ARNT: variants seen among roughly 807,000 people sequenced by gnomAD.
ARNT encodes class E basic helix-loop-helix protein 2.
Under a neutral mutation model 105.0 loss-of-function variants are expected in ARNT, and 30 were observed. The ratio of observed to expected loss-of-function variants is 0.29; its 90% CI spans 0.21 to 0.39. ARNT has a LOEUF of 0.39. Among genes scored for constraint, ARNT ranks in the 10% least tolerant of loss-of-function variants. ARNT has a pLI of 1.00. For synonymous variants in ARNT, 304 were observed against 344.0 expected (o/e 0.88, Z 1.29); for missense variants, 748 against 978.7 (o/e 0.76, Z 3.15).
chr1:150,832,029 C>G (rs1659442843), intron 9 of ARNT, 126 bp from the exon 10 acceptor site: 6 of 759,688 alleles, frequency 7.9e-6, no homozygotes, highest in Non-Finnish European at 1.3e-5. Flanking sequence ...AATCATCTTT[C>G]CCACCCAAAA....
rs761706968 is a variant in ARNT, at chr1:150,816,778, C to T, written c.1802+10G>A. 5.1e-6 allele frequency: 8 copies of T among 1,573,178 alleles called. No homozygotes were observed. The East Asian group carries it at 9.0e-5, about 18-fold the overall frequency. On this transcript the variant is annotated intron_variant, in intron 18 of 21. Transcript: ENST00000358595. ...GGCCCTGTAAAGCAGCACATATATA[C>T]GGGGCTCACCTGAAATTCTCTGCCG...
chr1:150,812,580 T>A (rs1422015500), intron 21 of ARNT: 1 of 153,036 alleles, frequency 6.5e-6, no homozygotes, highest in Non-Finnish European at 1.5e-5. Flanking sequence ...TTTCATTTAC[T>A]TTTTATAATT....
In ARNT at chr1:150,858,463, G is replaced by A. The variant is rs1180705188; in HGVS notation, c.26-3C>T. 1.9e-6 allele frequency: 3 copies of A among 1,590,242 alleles called. No homozygotes were observed. Among genetic ancestry groups the A allele is most frequent in the Non-Finnish European group, 2.6e-6 (3 of 1,162,782 alleles). On this transcript the variant is annotated splice_polypyrimidine_tract_variant and splice_region_variant and intron_variant, in intron 1 of 21. Transcript: ENST00000358595. ...TGATGGTACATCTGATGTCATTTCTGTCAGGAAAATAATGAAGTAAACATT... is the reference window on the plus strand; with the variant it reads ...TGATGGTACATCTGATGTCATTTCTATCAGGAAAATAATGAAGTAAACATT...
intron 13 of ARNT, among the ~76,000 whole-genome samples, chr1:150,823,794 C>T (rs1657617540): frequency 6.6e-6 from 1 of 150,798 alleles, no homozygotes; most frequent in Non-Finnish European, 1.5e-5. Flanking sequence ...TTGTGATCCG[C>T]CCGCCTCGGC....
rs1453584649 is a variant in ARNT at position 150,810,787 on chromosome 1, A to G, written c.*1234T>C. On this transcript the variant is annotated 3_prime_UTR_variant, in exon 22 of 22. Transcript: ENST00000358595. ...CAGGCCCCATCTATCATACGGAATT[A>G]TGATACTTGCACTCTAAAGCAAAAC... 4.5e-6 allele frequency: 1 copy of G among 223,088 alleles called. No homozygotes were observed. The highest frequency in any genetic ancestry group is 6.5e-5 in the East Asian group (1 of 15,450). 13.8% of individuals were successfully genotyped at this position (223,088 alleles called of 1,614,324 possible). A position where few individuals can be genotyped will look rare whatever the true frequency, so the allele number is the denominator to read the frequency against.
intron 1 of ARNT, among the ~76,000 whole-genome samples, chr1:150,870,424 T>C (rs748192872): frequency 6.6e-6 from 1 of 152,204 alleles, no homozygotes; most frequent in Non-Finnish European, 1.5e-5. Flanking sequence ...AGGCACCCAC[T>C]GTAAGCACTG....
In ARNT at chr1:150,872,806, T is replaced by C. The variant is rs140757868; in HGVS notation, c.25+3737A>G. On this transcript the variant is annotated intron_variant, in intron 1 of 21. Coordinates refer to ENST00000358595, the MANE Select transcript of ARNT (RefSeq NM_001668.4). ...AGCAAGACCCTGTCTCTAAAAAAAA[T>C]TTAAAATTAGCCAGCCACGGTGGTG... Among the ~76,000 whole-genome samples the C allele has an allele frequency of 3.3e-3, 498 of 151,824 alleles. 2 individuals are homozygous for C. The highest frequency in any genetic ancestry group is 0.012 in the African/African-American group (477 of 41,392).
intron 4 of ARNT, among the ~76,000 whole-genome samples, chr1:150,844,639 C>A (rs1216985418): frequency 1.3e-5 from 2 of 151,498 alleles, no homozygotes. Context: ...ACTTAATTTT[C>A]AAAAAAGAAA....
At chr1:150,865,352 T>C (rs772256793) in intron 1 of ARNT, among the ~76,000 whole-genome samples, 29 of 152,088 alleles carry the variant, frequency 1.9e-4, no homozygotes, top group Non-Finnish European at 3.1e-4. Context: ...AAACTAGAGA[T>C]AAAATGGACT....
intron 3 of ARNT, among the ~76,000 whole-genome samples, chr1:150,852,272 C>A (rs867801739): frequency 3.9e-5 from 6 of 152,264 alleles, no homozygotes; most frequent in African/African-American, 1.4e-4. Flanking sequence ...TAAGCAGAGG[C>A]TTGATAAGCA....
chr1:150,854,038 C>T (rs947838561), intron 2 of ARNT, among the ~76,000 whole-genome samples: 3 of 152,136 alleles, frequency 2.0e-5, no homozygotes, highest in Admixed American at 6.6e-5. Flanking sequence ...CCTGTAAAAT[C>T]CTATCTATCT....
chr1:150,861,945 C>T (rs978825812), intron 1 of ARNT, among the ~76,000 whole-genome samples: 5 of 152,136 alleles, frequency 3.3e-5, no homozygotes, highest in African/African-American at 9.7e-5. Context: ...ATTCCACACA[C>T]ATTTAAGGTA....
At position 150,829,113 on chromosome 1, in the gene ARNT, T is replaced by C. The variant is rs750094376; in HGVS notation, c.1147A>G (p.Thr383Ala). The change falls in exon 12 of 22, where the codon ACT (threonine) becomes GCT (alanine). Residue 383 changes from threonine (T) to alanine (A), a missense_variant. Transcript: ENST00000358595. ...CTCACCTGTGGCTGGTAGCCAACAG[T>C]AGCCACACAGCGGTGATCCACAAAA... ...FTFVDHRCVA[T>A]VGYQPQELLG... 3 of 1,614,118 alleles carry C rather than the reference T, an allele frequency of 1.9e-6. No individual in the cohort carries two copies. The highest frequency in any genetic ancestry group is 2.5e-6 in the Non-Finnish European group (3 of 1,179,980).
intron 4 of ARNT, 115 bp from the exon 5 acceptor site, chr1:150,842,583 A>G: frequency 1.2e-6 from 1 of 817,228 alleles, no homozygotes; most frequent in South Asian, 1.7e-5. Flanking sequence ...AGGGAGAAAA[A>G]AAAAGAAAAG....
intron 21 of ARNT, 62 bp from the exon 22 acceptor site, chr1:150,812,172 C>G (rs1375147737): frequency 8.0e-7 from 1 of 1,243,040 alleles, no homozygotes; most frequent in Non-Finnish European, 1.1e-6. Context: ...TTACCAAGTT[C>G]TACTCCACCA....
intron 3 of ARNT, among the ~76,000 whole-genome samples, chr1:150,850,307 T>C (rs587662139): frequency 1.3e-5 from 2 of 152,116 alleles, no homozygotes; most frequent in South Asian, 2.1e-4. Flanking sequence ...CTCCCTCTCT[T>C]TCCACGGTCT....
intron 14 of ARNT, 60 bp from the exon 15 acceptor site, chr1:150,818,090 G>T: frequency 8.5e-7 from 1 of 1,172,058 alleles, no homozygotes; most frequent in Non-Finnish European, 1.2e-6. Flanking sequence ...GGGAGAGAGA[G>T]AGAAAGAGAA....
chr1:150,865,790 G>T (rs182218927), intron 1 of ARNT, among the ~76,000 whole-genome samples: 2 of 151,942 alleles, frequency 1.3e-5, no homozygotes, highest in African/African-American at 4.8e-5. Flanking sequence ...CCTATATTTC[G>T]TATCTCCACT....
At chr1:150,830,141 T>G (rs1433595896) in intron 10 of ARNT, 161 bp from the exon 11 acceptor site, 6 of 679,358 alleles carry the variant, frequency 8.8e-6, no homozygotes, top group Admixed American at 8.6e-5. Context: ...GGCGGATCAC[T>G]TGAGGACCAG....
Sources: allele counts gnomAD v4.1 joint callset (sites outside exome capture counted in the v4.1 genomes callset), GRCh38; gene constraint gnomAD v4.1.1; transcripts MANE v1.5; gene names NCBI Gene and HGNC (gene_info 2026-07-23, HGNC 2026-07-21).